The following MMS22L variants were observed in gnomAD, a reference collection of about 807,000 sequenced individuals.
The protein encoded by MMS22L is protein MMS22-like.
Under a neutral mutation model 159.1 loss-of-function variants are expected in MMS22L, and 74 were observed. That is an observed-to-expected ratio of 0.47 (90% CI 0.39 to 0.56). The LOEUF (loss-of-function observed/expected upper bound fraction) is 0.56. Among genes scored for constraint, MMS22L ranks in the 20% least tolerant of loss-of-function variants. The pLI, the probability that MMS22L is intolerant of heterozygous loss-of-function variation, is 0.00. For synonymous variants in MMS22L, 517 were observed against 506.9 expected (o/e 1.02, Z -0.27); for missense variants, 1,351 against 1,422.1 (o/e 0.95, Z 0.80).
chr6:97,196,152 C>A (rs1051652135), intron 14 of MMS22L, among the ~76,000 whole-genome samples: 3 of 152,104 alleles, frequency 2.0e-5, no homozygotes, highest in Non-Finnish European at 4.4e-5. Context: ...CTGTTAATTA[C>A]ATGAGCCATT....
At chr6:97,163,086 T>C (rs985020857) in intron 21 of MMS22L, among the ~76,000 whole-genome samples, 2 of 152,050 alleles carry the variant, frequency 1.3e-5, no homozygotes, top group Non-Finnish European at 2.9e-5. Flanking sequence ...TACTACATAT[T>C]AGAAAATTCA....
chr6:97,156,663 A>C (rs1365539564), intron 22 of MMS22L, among the ~76,000 whole-genome samples: 1 of 152,050 alleles, frequency 6.6e-6, no homozygotes, highest in African/African-American at 2.4e-5. Context: ...GCTCTGTTCC[A>C]TTGGTCTGGA....
chr6:97,245,525 T>C (rs1478902191), intron 11 of MMS22L, among the ~76,000 whole-genome samples: 1 of 151,960 alleles, frequency 6.6e-6, no homozygotes, highest in Non-Finnish European at 1.5e-5. Context: ...AAAATATACA[T>C]AAAAAACTTT....
At chr6:97,173,833 CAG>C (rs1175974221) in intron 18 of MMS22L, among the ~76,000 whole-genome samples, 2 of 151,462 alleles carry the variant, frequency 1.3e-5, no homozygotes, top group Non-Finnish European at 2.9e-5. Flanking sequence ...AAGAGAAGAA[CAG>C]AGACATGAGA....
At chr6:97,263,256 T>C in intron 9 of MMS22L, 79 bp downstream of exon 9, 1 of 877,546 alleles carries the variant, frequency 1.1e-6, no homozygotes, top group Non-Finnish European at 1.8e-6. Context: ...GAAGTTAAGA[T>C]TTTTCTCAGT....
At chr6:97,196,426 G>A (rs1806516414) in intron 14 of MMS22L, among the ~76,000 whole-genome samples, 1 of 152,128 alleles carries the variant, frequency 6.6e-6, no homozygotes, top group Non-Finnish European at 1.5e-5. Context: ...CTAGTAGACG[G>A]TATTACCTTT....
chr6:97,185,327 CT>C (rs1171364007), intron 15 of MMS22L, among the ~76,000 whole-genome samples: 2 of 152,090 alleles, frequency 1.3e-5, no homozygotes, highest in Admixed American at 1.3e-4. Flanking sequence ...TATTCAGTAA[CT>C]TTTTTTAAAT....
chr6:97,254,725 C>T lies in MMS22L; in HGVS notation c.951G>A (p.Trp317Ter), dbSNP rs1813606392. ...TTTTAAGTAGTTTATTCAACCAGTTCCAAAATGACTATAGAAACAGAAGTA... is the reference window on the plus strand; with the variant it reads ...TTTTAAGTAGTTTATTCAACCAGTTTCAAAATGACTATAGAAACAGAAGTA... ...RSKWFVSESFWNWLNKLLKTL... is the reference protein window; with the variant it reads ...RSKWFVSESF Residue 317 changes from tryptophan (W) to a stop codon, truncating the protein, a stop_gained, in exon 10 of 25, where the codon TGG becomes TGA. Coordinates refer to ENST00000683635, the MANE Select transcript of MMS22L (RefSeq NM_001350599.2). LOFTEE classifies it high-confidence loss of function. The T allele has an allele frequency of 1.3e-6, 2 of 1,593,676 alleles. No homozygotes were observed. The highest frequency in any genetic ancestry group is 1.7e-6 in the Non-Finnish European group (2 of 1,172,932).
chr6:97,253,505 G>A (rs1813458965), intron 10 of MMS22L: 1 of 143,624 alleles, frequency 7.0e-6, no homozygotes, highest in Non-Finnish European at 1.5e-5. Context: ...CTGTTGCCCA[G>A]TCTGGAGTGC....
At chr6:97,245,850 G>GACACAGACACAC in intron 11 of MMS22L, 1 of 116,398 alleles carries the variant, frequency 8.6e-6, no homozygotes, top group East Asian at 2.1e-4. Flanking sequence ...AGCTACTACA[G>GACACAGACACAC]ACACACACAC....
intron 11 of MMS22L, among the ~76,000 whole-genome samples, chr6:97,235,252 GT>G (rs1811274821): frequency 6.6e-6 from 1 of 152,140 alleles, no homozygotes; most frequent in African/African-American, 2.4e-5. Context: ...GAAGTTTCAG[GT>G]TTTTGCATAA....
intron 22 of MMS22L, among the ~76,000 whole-genome samples, chr6:97,152,494 AC>A (rs35796564): frequency 0.097 from 14,740 of 152,150 alleles, 1,416 homozygotes; most frequent in African/African-American, 0.25. Flanking sequence ...GATGTAGAAA[AC>A]CCAATATGTT....
At chr6:97,190,205 A>C (rs1264687172) in intron 14 of MMS22L, among the ~76,000 whole-genome samples, 1 of 152,228 alleles carries the variant, frequency 6.6e-6, no homozygotes, top group Non-Finnish European at 1.5e-5. Flanking sequence ...AAACATACAT[A>C]AAATATTATA....
At chr6:97,250,208 A>C (rs1439245380) in intron 10 of MMS22L, among the ~76,000 whole-genome samples, 1 of 152,104 alleles carries the variant, frequency 6.6e-6, no homozygotes, top group African/African-American at 2.4e-5. Context: ...ATTTGAGGCT[A>C]CATTTTATAT....
chr6:97,142,955 G>A lies in MMS22L; in HGVS notation c.*3851C>T, dbSNP rs1800708403. ...AAATATGCTTAAGAAGAAAACATAC[G>A]AAGGATAGGTAAAGATATACAAGTT... On this transcript the variant is annotated 3_prime_UTR_variant, in exon 25 of 25. Coordinates refer to ENST00000683635, the MANE Select transcript of MMS22L (RefSeq NM_001350599.2). The A allele has an allele frequency of 6.6e-6, 1 of 152,448 alleles. No homozygotes were observed. The highest frequency in any genetic ancestry group is 2.4e-5 in the African/African-American group (1 of 41,438). The allele number at this position is 152,448 out of a possible 1,614,324, so 9.4% of individuals were successfully genotyped here.
rs1165215914 is a variant in MMS22L, at chr6:97,229,284, TGAC to T, written c.1646_1648del (p.Ser549_His550delinsAsn). Reference sequence around the variant, plus strand: ...GAGGAAATTCAGGAGGTCTAAAACATGACTTGCAACATCTTCTACCTCTGCAAC... The same window carrying T: ...GAGGAAATTCAGGAGGTCTAAAACATTTGCAACATCTTCTACCTCTGCAAC... On this transcript the variant is annotated inframe_deletion, in exon 14 of 25. Coordinates refer to ENST00000683635, the MANE Select transcript of MMS22L (RefSeq NM_001350599.2). 15 of 1,614,040 alleles carry T rather than the reference TGAC, an allele frequency of 9.3e-6. No individual in the cohort carries two copies. The highest frequency in any genetic ancestry group is 1.3e-5 in the Non-Finnish European group (15 of 1,180,028).
chr6:97,228,997 C>T lies in MMS22L; in HGVS notation c.1936G>A (p.Glu646Lys). The T allele has an allele frequency of 2.5e-6, 4 of 1,614,128 alleles. No individual in the cohort carries two copies. Among genetic ancestry groups the T allele is most frequent in the Non-Finnish European group, 3.4e-6 (4 of 1,180,004 alleles). Reference protein sequence around the residue: ...ETSYCLYPSHEKLLNDGFSML... With the variant: ...ETSYCLYPSHKKLLNDGFSML... ...CTAAATCCATCATTAAGCAGTTTTT[C>T]ATGGGAAGGATACAAGCAATAGCTG... The change falls in exon 14 of 25, where the codon GAA becomes AAA. Residue 646 changes from glutamate (E) to lysine (K), a missense_variant. Physicochemically the swap from Glu to Lys is moderately conservative, Grantham distance 56. Coordinates refer to ENST00000683635, the MANE Select transcript of MMS22L (RefSeq NM_001350599.2).
Position 97,179,445 on chromosome 6 carries a change from A to G in MMS22L, c.2499T>C (p.Asp833=), listed in dbSNP as rs759281466. 1 of 1,613,214 alleles carries G rather than the reference A, an allele frequency of 6.2e-7. No individual in the cohort carries two copies. The highest frequency in any genetic ancestry group is 2.2e-5 in the East Asian group (1 of 44,800). ...QMYIKNLSGP[D]DLLIDKNLEE... ...CCAGATTTTTATCTATGAGCAAATC[A>G]TCAGGCCCAGAGAGGTTTTTAATAT... Residue 833 remains aspartate, a synonymous_variant, in exon 17 of 25, where the codon GAT becomes GAC. Coordinates refer to ENST00000683635, the MANE Select transcript of MMS22L (RefSeq NM_001350599.2).
At position 97,221,074 on chromosome 6, in the gene MMS22L, T is replaced by C. The variant is rs376166470; in HGVS notation, c.2039+7820A>G. 2.6e-4 allele frequency among the ~76,000 whole-genome samples: 40 copies of C among 152,186 alleles called. 2 individuals carry two copies. Among genetic ancestry groups the C allele is most frequent in the African/African-American group, 8.7e-4 (36 of 41,532 alleles). On this transcript the variant is annotated intron_variant, in intron 14 of 24. Coordinates refer to ENST00000683635, the MANE Select transcript of MMS22L (RefSeq NM_001350599.2). ...TGAGTTCTTTTGAAAACAATACTTA[T>C]GATGATAGCATTATCTAACATTCAT... is the stretch of plus-strand genomic sequence containing the variant.
Sources: allele counts gnomAD v4.1 joint callset (sites outside exome capture counted in the v4.1 genomes callset), GRCh38; gene constraint gnomAD v4.1.1; transcripts MANE v1.5; gene names NCBI Gene and HGNC (gene_info 2026-07-23, HGNC 2026-07-21).